Variants in STRBP observed in about 807,000 individuals in gnomAD.
STRBP encodes the protein spermatid perinuclear RNA-binding protein.
A neutral mutation model predicts 80.1 loss-of-function variants in STRBP; 13 were observed. The observed-to-expected ratio is 0.16, with a 90% CI of 0.11 to 0.26. STRBP has a LOEUF of 0.26. Among genes scored for constraint, STRBP ranks in the 10% least tolerant of loss-of-function variants. The pLI is 1.00. For missense variants in STRBP, 485 were observed against 815.2 expected, an observed-to-expected ratio of 0.59 and a Z score of 4.93; for synonymous variants, 284 against 291.2, an observed-to-expected ratio of 0.98 and a Z score of 0.25.
chr9:123,180,904 T>C (rs2038430489), intron 3 of STRBP: 1 of 983,844 alleles, frequency 1.0e-6, no homozygotes. Flanking sequence ...AATATTTTGT[T>C]TTGAAGTCCA....
Position 123,136,601 on chromosome 9 carries a change from A to G in STRBP, c.1498-86T>C, listed in dbSNP as rs1588462870. 3.4e-6 allele frequency: 5 copies of G among 1,486,214 alleles called. No individual in the cohort carries two copies. The highest frequency in any genetic ancestry group is 4.5e-6 in the Non-Finnish European group (5 of 1,115,048). 92.1% of individuals were successfully genotyped at this position (1,486,214 alleles called of 1,614,324 possible). A position where few individuals can be genotyped will look rare whatever the true frequency, so the allele number is the denominator to read the frequency against. Reference sequence around the variant, plus strand: ...TATTAATACAATTATGCTAAGAAGGAGGCTCAAAAATTCTACTTCAAAGCA... The same window carrying G: ...TATTAATACAATTATGCTAAGAAGGGGGCTCAAAAATTCTACTTCAAAGCA... On this transcript the variant is annotated intron_variant, in intron 14 of 18. Transcript: ENST00000348403. The surrounding 1 kb of genome is among the most constrained non-coding windows in gnomAD (Gnocchi z 4.2).
At chr9:123,219,876 A>G (rs1380207680) in intron 2 of STRBP, among the ~76,000 whole-genome samples, 1 of 152,252 alleles carries the variant, frequency 6.6e-6, no homozygotes, top group Non-Finnish European at 1.5e-5. Context: ...AGCTCTCAAT[A>G]TTAACAATGG....
intron 5 of STRBP, among the ~76,000 whole-genome samples, chr9:123,171,529 A>G (rs1004945633): frequency 1.3e-5 from 2 of 152,184 alleles, no homozygotes; most frequent in Non-Finnish European, 2.9e-5. Context: ...TGTAAAAGTC[A>G]CACTTAATTT....
rs113406740 is a variant in STRBP at position 123,167,796 on chromosome 9, T to C, written c.535+2106A>G. On this transcript the variant is annotated intron_variant, in intron 6 of 18. Transcript: ENST00000348403. ...ACTCAAACACCTTGAAGAGAGACTA[T>C]GACTCTCTTACTTTATTACAAAATC... Among the ~76,000 whole-genome samples, 591 of 152,312 alleles carry C rather than the reference T, an allele frequency of 3.9e-3. 2 individuals carry two copies. The highest frequency in any genetic ancestry group is 0.013 in the African/African-American group (529 of 41,574).
At chr9:123,228,476 G>A (rs2040307868) in intron 2 of STRBP, among the ~76,000 whole-genome samples, 1 of 152,182 alleles carries the variant, frequency 6.6e-6, no homozygotes, top group South Asian at 2.1e-4. Flanking sequence ...TGGGGGACAG[G>A]GGGAGCTGCA....
intron 6 of STRBP, among the ~76,000 whole-genome samples, chr9:123,165,981 GA>G (rs1177535013): frequency 1.3e-5 from 2 of 152,144 alleles, no homozygotes; most frequent in Non-Finnish European, 2.9e-5. Flanking sequence ...TTACACACTG[GA>G]GAGTCCTATT....
At chr9:123,256,898 C>CTTT (rs754149758) in intron 1 of STRBP, among the ~76,000 whole-genome samples, 1 of 134,294 alleles carries the variant, frequency 7.4e-6, no homozygotes, top group Non-Finnish European at 1.6e-5. Flanking sequence ...AGCCAGGAAT[C>CTTT]TTTTTTTTTT....
chr9:123,147,671 C>T (rs2036874133), intron 12 of STRBP, 107 bp downstream of exon 12: 6 of 885,158 alleles, frequency 6.8e-6, no homozygotes, highest in East Asian at 5.8e-5. Context: ...GAATGAGAAC[C>T]GATCTCAAAA....
intron 1 of STRBP, among the ~76,000 whole-genome samples, chr9:123,243,265 C>CAAAAAAA (rs1160280485): frequency 0.017 from 1,344 of 78,660 alleles, 2 homozygotes; most frequent in African/African-American, 0.03. Context: ...ATCAATAAGA[C>CAAAAAAA]AAAAAAAAAA....
intron 16 of STRBP, among the ~76,000 whole-genome samples, chr9:123,134,014 TCCTTAGAGTAGAAAGAACAAC>T (rs2036252000): frequency 6.6e-6 from 1 of 152,140 alleles, no homozygotes; most frequent in Non-Finnish European, 1.5e-5. Context: ...TACTTTGTTT[TCCTTAGAGTAGAAAGAACAAC>T]GAGAGAACAG....
chr9:123,228,989 G>T (rs1303052822), intron 2 of STRBP, among the ~76,000 whole-genome samples: 1 of 152,086 alleles, frequency 6.6e-6, no homozygotes. Context: ...TTCATAAATG[G>T]AATATTAGCC....
At position 123,122,657 on chromosome 9, in the gene STRBP, T is replaced by C; in HGVS notation, c.*2940A>G. ...CAAGAGATGGGGTACTCCTGCAGCC[T>C]GAAGAAACACAAGCTGCAAGCCACA... is the stretch of plus-strand genomic sequence containing the variant. On this transcript the variant is annotated 3_prime_UTR_variant, in exon 19 of 19. Coordinates refer to ENST00000348403, the MANE Select transcript of STRBP (RefSeq NM_018387.5). The C allele has an allele frequency of 3.9e-6, 4 of 1,019,918 alleles. No individual in the cohort carries two copies. The highest frequency in any genetic ancestry group is 4.7e-6 in the Non-Finnish European group (4 of 852,232). The allele number at this position is 1,019,918 out of a possible 1,614,324, so 63.2% of individuals were successfully genotyped here. A position where few individuals can be genotyped will look rare whatever the true frequency, so the allele number is the denominator to read the frequency against.
At chr9:123,245,421 G>T (rs1564333254) in intron 1 of STRBP, among the ~76,000 whole-genome samples, 1 of 152,254 alleles carries the variant, frequency 6.6e-6, no homozygotes, top group South Asian at 2.1e-4. Context: ...ACGTTGTCTC[G>T]CTCAGTCGCC....
intron 13 of STRBP, among the ~76,000 whole-genome samples, chr9:123,146,552 A>G (rs2036822133): frequency 6.7e-6 from 1 of 149,702 alleles, no homozygotes; most frequent in Non-Finnish European, 1.5e-5. Context: ...AAACAGCAAA[A>G]TAGAAAATGA....
chr9:123,167,084 C>T (rs2037798294), intron 6 of STRBP, among the ~76,000 whole-genome samples: 2 of 152,178 alleles, frequency 1.3e-5, no homozygotes, highest in Non-Finnish European at 1.5e-5. Context: ...ATGCCCCAGT[C>T]CTCTGGTTCT....
chr9:123,259,849 G>A (rs1040872427), intron 1 of STRBP, among the ~76,000 whole-genome samples: 1 of 152,208 alleles, frequency 6.6e-6, no homozygotes, highest in Admixed American at 6.5e-5. Context: ...TGGTATCCTA[G>A]AAACCAAAGC....
At chr9:123,210,167 A>C (rs1254919077) in intron 2 of STRBP, among the ~76,000 whole-genome samples, 1 of 152,194 alleles carries the variant, frequency 6.6e-6, no homozygotes, top group Non-Finnish European at 1.5e-5. Flanking sequence ...TCAAGCCTTT[A>C]AATAAGTGTC....
chr9:123,256,796 G>A (rs1286468079), intron 1 of STRBP, among the ~76,000 whole-genome samples: 3 of 151,732 alleles, frequency 2.0e-5, no homozygotes, highest in Non-Finnish European at 4.4e-5. Flanking sequence ...CCTAAACTGC[G>A]CATCCTTCAG....
rs889679769 is a variant in STRBP, at chr9:123,124,277, T to C, written c.*1320A>G. The C allele has an allele frequency of 3.0e-6, 3 of 985,328 alleles. No homozygotes were observed. The African/African-American group carries it at 5.2e-5, about 17-fold the overall frequency. The allele number at this position is 985,328 out of a possible 1,614,324, so 61.0% of individuals were successfully genotyped here. On this transcript the variant is annotated 3_prime_UTR_variant, in exon 19 of 19. Coordinates refer to ENST00000348403, the MANE Select transcript of STRBP (RefSeq NM_018387.5). ...TTAAGACATGGTGCCTTATAAATATTGACAGGGGACCACACTGCTGCTCCT... is the reference window on the plus strand; with the variant it reads ...TTAAGACATGGTGCCTTATAAATATCGACAGGGGACCACACTGCTGCTCCT...
Sources: gnomAD v4.1 joint callset for allele counts (sites outside exome capture counted in the v4.1 genomes callset) on GRCh38, gnomAD v4.1.1 for gene constraint, Gnocchi (gnomAD v3.1) non-coding constraint, MANE v1.5 for transcripts, NCBI Gene and HGNC (gene_info 2026-07-23, HGNC 2026-07-21) for gene names.